The following PLCH1 variants were observed in gnomAD, a reference collection of about 807,000 sequenced individuals.
The protein encoded by PLCH1 is phospholipase C eta 1.
PLCH1 carries 60 observed loss-of-function variants against 126.7 expected under a neutral mutation model. That is an observed-to-expected ratio of 0.47 (90% CI 0.38 to 0.59). The LOEUF is 0.59. PLCH1 is among the 20% of genes least tolerant of loss of function. The pLI is 0.00. For missense variants in PLCH1, 1,723 were observed against 2,040.0 expected (o/e 0.84, Z 2.99); for synonymous variants, 719 against 734.9 (o/e 0.98, Z 0.35).
chr3:155,600,430 A>G (rs1733563981), intron 2 of PLCH1, among the ~76,000 whole-genome samples: 1 of 152,186 alleles, frequency 6.6e-6, no homozygotes, highest in African/African-American at 2.4e-5. Context: ...CCACAGGTAA[A>G]CAAGGGAAGA....
chr3:155,550,724 T>C (rs762662945), intron 9 of PLCH1, among the ~76,000 whole-genome samples: 28 of 152,228 alleles, frequency 1.8e-4, no homozygotes, highest in Non-Finnish European at 7.3e-5. Flanking sequence ...TTCAGGTTCA[T>C]TGACTTTTTT....
At chr3:155,589,535 G>T (rs1731825938) in intron 4 of PLCH1, among the ~76,000 whole-genome samples, 1 of 152,132 alleles carries the variant, frequency 6.6e-6, no homozygotes, top group Non-Finnish European at 1.5e-5. Flanking sequence ...CCAGCAGTTT[G>T]ACGGGGGAAG....
In PLCH1 at chr3:155,710,011, G is replaced by A. The variant is rs554655995; in HGVS notation, c.-40-5747C>T. Among the ~76,000 whole-genome samples, 31 of 152,148 alleles carry A rather than the reference G, an allele frequency of 2.0e-4. 1 individual carries two copies. The highest frequency in any genetic ancestry group is 1.5e-3 in the South Asian group (7 of 4,824). ...GTTGGTTTCATTTTTGTTTTGAGAC[G>A]CAGTCTCACTCCGTCACCCAGGCTG... On this transcript the variant is annotated intron_variant, in intron 1 of 22. Coordinates refer to ENST00000460012, the MANE Select transcript of PLCH1 (RefSeq NM_014996.4).
chr3:155,638,255 G>C (rs867287360), intron 2 of PLCH1, among the ~76,000 whole-genome samples: 1 of 152,168 alleles, frequency 6.6e-6, no homozygotes, highest in African/African-American at 2.4e-5. Context: ...TCTCTTTGGA[G>C]GGGTCTCCCA....
intron 2 of PLCH1, among the ~76,000 whole-genome samples, chr3:155,673,254 C>A (rs1158399835): frequency 6.6e-6 from 1 of 152,006 alleles, no homozygotes; most frequent in East Asian, 1.9e-4. Context: ...TACTCAGGTA[C>A]CACTGGAATG....
At chr3:155,606,700 T>C (rs576732717) in intron 2 of PLCH1, among the ~76,000 whole-genome samples, 1 of 152,310 alleles carries the variant, frequency 6.6e-6, no homozygotes, top group South Asian at 2.1e-4. Context: ...AGGTATTGAA[T>C]GGGGGAATAG....
intron 2 of PLCH1, among the ~76,000 whole-genome samples, chr3:155,626,779 A>G (rs1277677573): frequency 2.8e-5 from 4 of 144,304 alleles, no homozygotes; most frequent in Non-Finnish European, 6.0e-5. Flanking sequence ...AAAAAAAAAA[A>G]AAAAAAAAAA....
At chr3:155,664,289 C>A (rs1162431488) in intron 2 of PLCH1, among the ~76,000 whole-genome samples, 1 of 152,222 alleles carries the variant, frequency 6.6e-6, no homozygotes, top group African/African-American at 2.4e-5. Flanking sequence ...AAATTACCTT[C>A]CAGCTGCATA....
At chr3:155,605,513 A>C (rs1244365187) in intron 2 of PLCH1, among the ~76,000 whole-genome samples, 4 of 152,212 alleles carry the variant, frequency 2.6e-5, no homozygotes, top group African/African-American at 9.6e-5. Flanking sequence ...ATTCTCAATA[A>C]TTTTTTAAAG....
At chr3:155,627,558 C>T (rs1015868018) in intron 2 of PLCH1, among the ~76,000 whole-genome samples, 45 of 150,902 alleles carry the variant, frequency 3.0e-4, no homozygotes, top group Non-Finnish European at 5.6e-4. Flanking sequence ...GGCATGAATC[C>T]GGGAGGCAGA....
At chr3:155,732,013 G>A (rs1748810149) in intron 1 of PLCH1, among the ~76,000 whole-genome samples, 1 of 146,394 alleles carries the variant, frequency 6.8e-6, no homozygotes, top group Non-Finnish European at 1.5e-5. Context: ...AAAAAGTCAG[G>A]GAAACATGAC....
At chr3:155,598,391 C>G (rs903249223) in intron 2 of PLCH1, among the ~76,000 whole-genome samples, 1 of 152,146 alleles carries the variant, frequency 6.6e-6, no homozygotes, top group Non-Finnish European at 1.5e-5. Flanking sequence ...CAAGACAAAA[C>G]CACCAAATCA....
At chr3:155,600,576 C>T (rs983057472) in intron 2 of PLCH1, among the ~76,000 whole-genome samples, 11 of 149,660 alleles carry the variant, frequency 7.3e-5, no homozygotes, top group Non-Finnish European at 2.9e-5. Context: ...ATTCTACATT[C>T]TCCTTTATGG....
At chr3:155,688,943 G>A (rs1184750923) in intron 2 of PLCH1, among the ~76,000 whole-genome samples, 2 of 152,158 alleles carry the variant, frequency 1.3e-5, no homozygotes, top group African/African-American at 4.8e-5. Flanking sequence ...AGACAGCATC[G>A]CTGGACATGC....
intron 2 of PLCH1, among the ~76,000 whole-genome samples, chr3:155,606,103 GA>G: frequency 6.6e-6 from 1 of 152,184 alleles, no homozygotes; most frequent in East Asian, 1.9e-4. Context: ...ATTAAAAACA[GA>G]TATCAAAGCT....
intron 2 of PLCH1, among the ~76,000 whole-genome samples, chr3:155,619,063 A>G (rs1019488663): frequency 6.7e-6 from 1 of 148,630 alleles, no homozygotes; most frequent in Non-Finnish European, 1.5e-5. Context: ...AAAAGCTCCA[A>G]TGAAGGCTTG....
chr3:155,545,434 T>C (rs999695484), intron 10 of PLCH1, among the ~76,000 whole-genome samples: 7 of 149,032 alleles, frequency 4.7e-5, no homozygotes, highest in African/African-American at 1.7e-4. Flanking sequence ...ACCAGATGGA[T>C]TCAAAGCCGA....
At chr3:155,702,802 G>A (rs1161546444) in intron 2 of PLCH1, among the ~76,000 whole-genome samples, 14 of 151,962 alleles carry the variant, frequency 9.2e-5, no homozygotes, top group South Asian at 8.3e-4. Flanking sequence ...TTTTTAATAC[G>A]AATAAATTTG....
At chr3:155,724,547 A>G (rs1455872050) in intron 1 of PLCH1, among the ~76,000 whole-genome samples, 1 of 152,104 alleles carries the variant, frequency 6.6e-6, no homozygotes, top group Non-Finnish European at 1.5e-5. Flanking sequence ...TTTATCTGAT[A>G]TAACAGTAGC....
Sources: gnomAD v4.1 joint callset for allele counts (sites outside exome capture counted in the v4.1 genomes callset) on GRCh38, gnomAD v4.1.1 for gene constraint, MANE v1.5 for transcripts, NCBI Gene and HGNC (gene_info 2026-07-23, HGNC 2026-07-21) for gene names.